RTL4: variants seen among roughly 807,000 people sequenced by gnomAD.
The protein encoded by RTL4 is retrotransposon Gag like 4, also known as retrotransposon Gag-like protein 4.
A neutral mutation model predicts 5.3 loss-of-function variants in RTL4; 4 were observed. The observed-to-expected ratio is 0.75, with a 90% CI of 0.37 to 1.72. RTL4 has a LOEUF of 1.72. Among genes scored for constraint, RTL4 ranks in the 40% most tolerant of loss-of-function variants. The probability of loss-of-function intolerance (pLI) is 0.04; values close to 1 mark genes in which losing one functional copy is unlikely to be tolerated. For synonymous variants in RTL4, 98 were observed against 87.3 expected, an observed-to-expected ratio of 1.12 and a Z score of -0.68; for missense variants, 260 against 227.1, an observed-to-expected ratio of 1.14 and a Z score of -0.93.
chrX:112,264,828 T>A, the RTL4 span, among the ~76,000 whole-genome samples: 1 of 112,238 alleles, frequency 8.9e-6, no homozygotes, highest in Non-Finnish European at 1.9e-5. Flanking sequence ...CCCTTGGAAT[T>A]GTCTTTGGAC....
At chrX:112,249,614 T>C in the RTL4 span, among the ~76,000 whole-genome samples, 1 of 110,637 alleles carries the variant, frequency 9.0e-6, no homozygotes, top group South Asian at 3.9e-4. Context: ...TTCCTGATTA[T>C]CTTCTGCCTT....
At chrX:112,310,950 A>G in the RTL4 span, among the ~76,000 whole-genome samples, 17 of 102,380 alleles carry the variant, frequency 1.7e-4, no homozygotes, top group Admixed American at 6.0e-4. Flanking sequence ...CAGTCTTGCA[A>G]TTAAATTCCA....
the RTL4 span, among the ~76,000 whole-genome samples, chrX:112,326,450 T>G: frequency 3.6e-5 from 4 of 111,649 alleles, no homozygotes; most frequent in East Asian, 1.1e-3. Context: ...TCTGACGGGC[T>G]TAAAAAAACG....
the RTL4 span, among the ~76,000 whole-genome samples, chrX:112,188,377 T>G: frequency 8.9e-6 from 1 of 112,069 alleles, no homozygotes; most frequent in African/African-American, 3.2e-5. Flanking sequence ...CAAGCCTTAT[T>G]CATGGGCACC....
the RTL4 span, among the ~76,000 whole-genome samples, chrX:112,285,892 G>A: frequency 2.3e-3 from 253 of 111,502 alleles, no homozygotes; most frequent in African/African-American, 6.0e-3. Flanking sequence ...GCTCCTACCC[G>A]CTAGGTACCA....
At chrX:112,446,703 C>T in the RTL4 span, among the ~76,000 whole-genome samples, 1 of 111,825 alleles carries the variant, frequency 8.9e-6, no homozygotes, top group Non-Finnish European at 1.9e-5. Context: ...CAAAAATTAG[C>T]CCAGCATGGT....
the RTL4 span, among the ~76,000 whole-genome samples, chrX:112,282,114 T>G: frequency 8.9e-6 from 1 of 112,549 alleles, no homozygotes; most frequent in East Asian, 2.8e-4. Flanking sequence ...TTTTACTGTT[T>G]TAGGTCTCAC....
the RTL4 span, among the ~76,000 whole-genome samples, chrX:112,124,679 G>A: frequency 3.0e-5 from 3 of 99,937 alleles, no homozygotes; most frequent in Non-Finnish European, 5.8e-5. Flanking sequence ...GTTGTTGGGG[G>A]GGAGGGGATT....
chrX:112,140,827 T>C, the RTL4 span, among the ~76,000 whole-genome samples: 1 of 112,157 alleles, frequency 8.9e-6, no homozygotes, highest in Non-Finnish European at 1.9e-5. Context: ...ATTCACTCTT[T>C]GTGTTATACA....
At chrX:112,448,078 G>A in the RTL4 span, among the ~76,000 whole-genome samples, 17 of 112,074 alleles carry the variant, frequency 1.5e-4, no homozygotes, top group Admixed American at 1.9e-4. Context: ...GCTAGGTTCT[G>A]TCATCTCATC....
the RTL4 span, among the ~76,000 whole-genome samples, chrX:112,344,568 C>A: frequency 1.4e-4 from 16 of 111,618 alleles, no homozygotes; most frequent in Non-Finnish European, 2.8e-4. Flanking sequence ...GTCATGAGAA[C>A]AGCAAGGGGG....
At chrX:112,407,936 T>C in the RTL4 span, among the ~76,000 whole-genome samples, 1 of 112,596 alleles carries the variant, frequency 8.9e-6, no homozygotes, top group African/African-American at 3.2e-5. Context: ...AACAACAGCA[T>C]TACTGGGCTG....
chrX:112,261,137 C>G, the RTL4 span, among the ~76,000 whole-genome samples: 1 of 111,471 alleles, frequency 9.0e-6, no homozygotes, highest in Non-Finnish European at 1.9e-5. Context: ...GCTCTGCTCT[C>G]AAGGCAGACT....
chrX:112,331,404 A>G, the RTL4 span, among the ~76,000 whole-genome samples: 4 of 107,190 alleles, frequency 3.7e-5, no homozygotes, highest in African/African-American at 1.4e-4. Flanking sequence ...AACACATGAA[A>G]AAATGCTCAT....
the RTL4 span, among the ~76,000 whole-genome samples, chrX:112,226,318 C>T: frequency 2.7e-5 from 3 of 112,190 alleles, no homozygotes; most frequent in Admixed American, 2.8e-4. Flanking sequence ...CCTAGCTCAG[C>T]TACAACCTGC....
the RTL4 span, among the ~76,000 whole-genome samples, chrX:112,321,261 G>A: frequency 8.9e-6 from 1 of 111,788 alleles, no homozygotes; most frequent in Non-Finnish European, 1.9e-5. Flanking sequence ...ATTTGGGCGG[G>A]GCTAGGTGGC....
chrX:112,173,564 A>G, the RTL4 span, among the ~76,000 whole-genome samples: 1 of 111,481 alleles, frequency 9.0e-6, no homozygotes. Context: ...GAGAGCTTAA[A>G]GGGATGCAGG....
At chrX:112,296,634 G>C in the RTL4 span, among the ~76,000 whole-genome samples, 18 of 98,024 alleles carry the variant, frequency 1.8e-4, no homozygotes, top group African/African-American at 6.4e-4. Context: ...TTTTGAGACA[G>C]AGTTTCACTC....
At chrX:112,250,374 G>C in the RTL4 span, among the ~76,000 whole-genome samples, 2 of 111,201 alleles carry the variant, frequency 1.8e-5, no homozygotes, top group African/African-American at 6.5e-5. Context: ...TTTTTGTTTT[G>C]TTTTTTTCTG....
Sources: gnomAD v4.1 joint callset for allele counts (sites outside exome capture counted in the v4.1 genomes callset) on GRCh38, gnomAD v4.1.1 for gene constraint, MANE v1.5 for transcripts, NCBI Gene and HGNC (gene_info 2026-07-23, HGNC 2026-07-21) for gene names.